TSC1: variants seen among roughly 807,000 people sequenced by gnomAD.
TSC1 encodes hamartin.
A neutral mutation model predicts 124.3 loss-of-function variants in TSC1; 20 were observed. That is an observed-to-expected ratio of 0.16 (90% CI 0.11 to 0.23). The LOEUF is 0.23. TSC1 is among the 10% of genes least tolerant of loss of function. TSC1 has a pLI of 1.00. For missense variants in TSC1, 1,124 were observed against 1,448.5 expected (o/e 0.78, Z 3.64); for synonymous variants, 493 against 539.1 (o/e 0.91, Z 1.19).
In TSC1 at chr9:132,923,146, T is replaced by TA. The variant is rs1246724870; in HGVS notation, c.508+201dup. 1.3e-5 allele frequency among the ~76,000 whole-genome samples: 2 copies of TA among 152,056 alleles called. No individual in the cohort carries two copies. The highest frequency in any genetic ancestry group is 4.8e-5 in the African/African-American group (2 of 41,400). ...GACTAATCCTTTTAAGCCAAGAAAA[T>TA]AAAAAAAGTTATCTCAACAGTCATG... On this transcript the variant is annotated intron_variant, in intron 6 of 22. Transcript: ENST00000298552. This position sits in a 1 kb window ranked among gnomAD's most constrained non-coding sequence, Gnocchi z 4.2.
chr9:132,929,742 T>C (rs1847104763), intron 2 of TSC1, among the ~76,000 whole-genome samples: 1 of 152,056 alleles, frequency 6.6e-6, no homozygotes, highest in Non-Finnish European at 1.5e-5. Context: ...ACTGTACACC[T>C]TTCACAAACA....
chr9:132,904,535 T>C, intron 15 of TSC1, 81 bp from the exon 16 acceptor site: 1 of 1,373,694 alleles, frequency 7.3e-7, no homozygotes, highest in Non-Finnish European at 1.0e-6. Context: ...TGCAGCAAAG[T>C]TAGATCACTT....
chr9:132,915,123 C>G (rs1846204723), intron 8 of TSC1, among the ~76,000 whole-genome samples: 1 of 151,102 alleles, frequency 6.6e-6, no homozygotes, highest in South Asian at 2.1e-4. Flanking sequence ...GAGGTTGAGG[C>G]TGCCATGAGC....
At chr9:132,936,146 G>A (rs1460840554) in intron 1 of TSC1, among the ~76,000 whole-genome samples, 1 of 151,762 alleles carries the variant, frequency 6.6e-6, no homozygotes, top group African/African-American at 2.4e-5. Context: ...TTAGAGACAG[G>A]GTCTCACTCT....
At chr9:132,920,647 C>T (rs1846500749) in intron 8 of TSC1, among the ~76,000 whole-genome samples, 1 of 151,996 alleles carries the variant, frequency 6.6e-6, no homozygotes, top group South Asian at 2.1e-4. Context: ...CAGGAGATCC[C>T]TAAGTGTCAG....
At position 132,923,922 on chromosome 9, in the gene TSC1, A is replaced by AC. The variant is rs1846709691; in HGVS notation, c.364-431_364-430insG. ...TTACTTTTTGTTAATTAAAAAAAAA[A>AC]AAAACTGCACATTGACAAGTAACTT... On this transcript the variant is annotated intron_variant, in intron 5 of 22. Transcript: ENST00000298552. This position sits in a 1 kb window ranked among gnomAD's most constrained non-coding sequence, Gnocchi z 4.2. Among the ~76,000 whole-genome samples, 1 of 152,160 alleles carries AC rather than the reference A, an allele frequency of 6.6e-6. No individual in the cohort carries two copies. Among genetic ancestry groups the AC allele is most frequent in the African/African-American group, 2.4e-5 (1 of 41,452 alleles).
rs1412021205 is a variant in TSC1 at position 132,894,198 on chromosome 9, T to C, written c.*2037A>G. On this transcript the variant is annotated 3_prime_UTR_variant, in exon 23 of 23. Coordinates refer to ENST00000298552, the MANE Select transcript of TSC1 (RefSeq NM_000368.5). ...CATGCTGCCTCCTTTCTTCCCTTTA[T>C]TTTTATAAGCTGTCCGTTTCTAAAA... 2 of 233,190 alleles carry C rather than the reference T, an allele frequency of 8.6e-6. No homozygotes were observed. The highest frequency in any genetic ancestry group is 4.4e-5 in the African/African-American group (2 of 45,346). The allele number at this position is 233,190 out of a possible 1,614,324, so 14.4% of individuals were successfully genotyped here.
chr9:132,936,618 T>C (rs571282351), intron 1 of TSC1, among the ~76,000 whole-genome samples: 21 of 152,334 alleles, frequency 1.4e-4, no homozygotes, highest in Non-Finnish European at 2.2e-4. Context: ...TTTGTTTGCT[T>C]TTAAAATATG....
chr9:132,896,768 G>A lies in TSC1; in HGVS notation c.2976-14C>T, dbSNP rs368652971. On this transcript the variant is annotated splice_polypyrimidine_tract_variant and intron_variant, in intron 22 of 22. Coordinates refer to ENST00000298552, the MANE Select transcript of TSC1 (RefSeq NM_000368.5). This position sits in a 1 kb window ranked among gnomAD's most constrained non-coding sequence, Gnocchi z 4.5. Reference sequence around the variant, plus strand: ...CAACAGTCAAGCCTGTAAGAAAGCCGGGGAGGAAAAAAGGAGCTGGTGATT... The same window carrying A: ...CAACAGTCAAGCCTGTAAGAAAGCCAGGGAGGAAAAAAGGAGCTGGTGATT... The A allele has an allele frequency of 1.5e-5, 24 of 1,613,344 alleles. No homozygotes were observed. The highest frequency in any genetic ancestry group is 3.3e-5 in the Admixed American group (2 of 59,984).
intron 9 of TSC1, 142 bp from the exon 10 acceptor site, chr9:132,911,710 G>C (rs1340721628): frequency 1.6e-6 from 1 of 612,950 alleles, no homozygotes; most frequent in African/African-American, 1.9e-5. Flanking sequence ...TAAAAAATCT[G>C]AGGGACTTAA....
chr9:132,905,772 G>T lies in TSC1; in HGVS notation c.1806C>A (p.Pro602=), dbSNP rs771521648. Residue 602 remains proline, a synonymous_variant, in exon 15 of 23, where the codon CCC becomes CCA. Transcript: ENST00000298552. ...CCACCTCAAAAAGATGATCATACGG[G>T]GGAGGCTGCCCGCTTCCAAAGCCCA... ...TRVGFGSGQP[P]PYDHLFEVAL... 1.2e-6 allele frequency: 2 copies of T among 1,614,110 alleles called. No homozygotes were observed. The highest frequency in any genetic ancestry group is 1.7e-6 in the Non-Finnish European group (2 of 1,180,060).
At chr9:132,925,233 A>G (rs1391851091) in intron 5 of TSC1, among the ~76,000 whole-genome samples, 2 of 152,200 alleles carry the variant, frequency 1.3e-5, no homozygotes, top group Non-Finnish European at 2.9e-5. Flanking sequence ...CCATTTTTCT[A>G]TTAGCTAAAA....
Position 132,921,820 on chromosome 9 carries a change from T to G in TSC1, c.662A>C (p.Lys221Thr). 2 of 1,614,188 alleles carry G rather than the reference T, an allele frequency of 1.2e-6. No homozygotes were observed. Among genetic ancestry groups the G allele is most frequent in the Non-Finnish European group, 1.7e-6 (2 of 1,180,004 alleles). ...ENLETFEEVV[K>T]PMMEHVRIHP... The stretch of plus-strand genomic sequence containing the variant: ...AACAAACAAGCAGTTTCAATTTACC[T>G]TGACCACTTCTTCAAAAGTCTCCAG... Residue 221 changes from lysine to threonine, a missense_variant and splice_region_variant, in exon 7 of 23, where the codon AAG (lysine) becomes ACG (threonine). By Grantham distance (78) the Lys-to-Thr change is moderately conservative. Coordinates refer to ENST00000298552, the MANE Select transcript of TSC1 (RefSeq NM_000368.5). This position sits in a 1 kb window ranked among gnomAD's most constrained non-coding sequence, Gnocchi z 4.3.
rs1844912406 is a variant in TSC1, at chr9:132,894,247, C to T, written c.*1988G>A. On this transcript the variant is annotated 3_prime_UTR_variant, in exon 23 of 23. Transcript: ENST00000298552. Reference sequence around the variant, plus strand: ...AATGTTTTTTCTTTTGCACTTGGGCCTCTTTTCCTTTCCAATTCAGGAAAA... The same window carrying T: ...AATGTTTTTTCTTTTGCACTTGGGCTTCTTTTCCTTTCCAATTCAGGAAAA... 1 of 232,182 alleles carries T rather than the reference C, an allele frequency of 4.3e-6. No homozygotes were observed. Among genetic ancestry groups the T allele is most frequent in the Admixed American group, 5.6e-5 (1 of 17,738 alleles). 14.4% of individuals were successfully genotyped at this position (232,182 alleles called of 1,614,324 possible).
chr9:132,940,034 A>T (rs1847655678), intron 1 of TSC1, among the ~76,000 whole-genome samples: 2 of 152,194 alleles, frequency 1.3e-5, no homozygotes, highest in Admixed American at 1.3e-4. Flanking sequence ...AAAGGAAAAA[A>T]ATATATAGAG....
At chr9:132,907,576 G>A (rs1307694732) in intron 12 of TSC1, among the ~76,000 whole-genome samples, 6 of 152,000 alleles carry the variant, frequency 3.9e-5, no homozygotes, top group African/African-American at 7.3e-5. Context: ...TGCAACCTCC[G>A]CCTCCTGGGT....
intron 20 of TSC1, among the ~76,000 whole-genome samples, chr9:132,897,852 T>C (rs1294579240): frequency 1.3e-5 from 2 of 152,116 alleles, no homozygotes; most frequent in Non-Finnish European, 2.9e-5. Flanking sequence ...ACAAAAATAA[T>C]CATCACAGCA....
chr9:132,903,541 G>A lies in TSC1; in HGVS notation c.2208+110C>T, dbSNP rs1272957842. 2 of 1,507,960 alleles carry A rather than the reference G, an allele frequency of 1.3e-6. No individual in the cohort carries two copies. Among genetic ancestry groups the A allele is most frequent in the African/African-American group, 1.4e-5 (1 of 72,712 alleles). The allele number at this position is 1,507,960 out of a possible 1,614,324, so 93.4% of individuals were successfully genotyped here. On this transcript the variant is annotated intron_variant, in intron 17 of 22. Transcript: ENST00000298552. The surrounding 1 kb of genome is among the most constrained non-coding windows in gnomAD (Gnocchi z 5.9). ...TCTCAAGCGACCTGCCCAAAGGAGT[G>A]GGAAGGACTGGGAACTCTGACCTCC...
chr9:132,906,724 A>G lies in TSC1; in HGVS notation c.1438+7T>C. The G allele has an allele frequency of 1.2e-6, 2 of 1,611,014 alleles. No individual in the cohort carries two copies. The highest frequency in any genetic ancestry group is 1.7e-6 in the Non-Finnish European group (2 of 1,177,670). On this transcript the variant is annotated splice_region_variant and intron_variant, in intron 14 of 22. Coordinates refer to ENST00000298552, the MANE Select transcript of TSC1 (RefSeq NM_000368.5). The surrounding 1 kb of genome is among the most constrained non-coding windows in gnomAD (Gnocchi z 4.1). ...TTATCAACTCATAGCAATCCCACAT[A>G]CATTACCTTCTTCTTTATCTTTTTC...
Sources: gnomAD v4.1 joint callset for allele counts (sites outside exome capture counted in the v4.1 genomes callset) on GRCh38, gnomAD v4.1.1 for gene constraint, Gnocchi (gnomAD v3.1) non-coding constraint, MANE v1.5 for transcripts, NCBI Gene and HGNC (gene_info 2026-07-23, HGNC 2026-07-21) for gene names.